FAM53A: variants seen among roughly 807,000 people sequenced by gnomAD.
FAM53A encodes family with sequence similarity 53 member A.
In FAM53A, 28 loss-of-function variants were observed where a neutral mutation model predicts 26.6. The observed-to-expected ratio is 1.05, with a 90% CI of 0.78 to 1.45. The LOEUF (loss-of-function observed/expected upper bound fraction) is 1.45. Among genes scored for constraint, FAM53A ranks in the 40% most tolerant of loss-of-function variants. The probability of loss-of-function intolerance (pLI) is 0.00; values close to 1 mark genes in which losing one functional copy is unlikely to be tolerated. For missense variants in FAM53A, 650 were observed against 575.8 expected (o/e 1.13, Z -1.32); for synonymous variants, 290 against 253.1 (o/e 1.15, Z -1.38).
At chr4:1,586,256 C>T in the FAM53A span, among the ~76,000 whole-genome samples, 3 of 151,666 alleles carry the variant, frequency 2.0e-5, no homozygotes, top group Admixed American at 2.0e-4. Flanking sequence ...TGCAGTGGCG[C>T]GATCTCGGCT....
chr4:1,651,764 G>C (rs1051314534), intron 4 of FAM53A, among the ~76,000 whole-genome samples: 1 of 151,596 alleles, frequency 6.6e-6, no homozygotes, highest in Non-Finnish European at 1.5e-5. Flanking sequence ...GGACACACAG[G>C]CTCAGCAAGG....
At position 1,655,423 on chromosome 4, in the gene FAM53A, G is replaced by T. The variant is rs200847112; in HGVS notation, c.437C>A (p.Thr146Asn). ...PWRPGSSKVW[T>N]PVSKRRCDSG... The stretch of plus-strand genomic sequence containing the variant: ...GTCGCACCGCCTCTTGGAGACTGGA[G>T]TCCAGACCTTGGAGCTGCCGGGGCG... The change falls in exon 4 of 5, where the codon ACT becomes AAT. Residue 146 changes from threonine to asparagine, a missense_variant. Thr to Asn is a moderately conservative substitution (Grantham distance 65, BLOSUM62 0). Transcript: ENST00000308132. 42 of 1,500,730 alleles carry T rather than the reference G, an allele frequency of 2.8e-5. No homozygotes were observed. The highest frequency in any genetic ancestry group is 3.6e-5 in the Non-Finnish European group (40 of 1,125,714). 93.0% of individuals were successfully genotyped at this position (1,500,730 alleles called of 1,614,324 possible). A position where few individuals can be genotyped will look rare whatever the true frequency, so the allele number is the denominator to read the frequency against.
the FAM53A span, among the ~76,000 whole-genome samples, chr4:1,600,211 G>C: frequency 2.0e-5 from 3 of 152,142 alleles, no homozygotes; most frequent in Admixed American, 2.0e-4. Flanking sequence ...GGGGCAGGAG[G>C]GGGTGCCCTA....
chr4:1,682,465 G>A (rs200540973), intron 1 of FAM53A, among the ~76,000 whole-genome samples: 1 of 151,944 alleles, frequency 6.6e-6, no homozygotes, highest in Non-Finnish European at 1.5e-5. Context: ...GTTTCACCAT[G>A]TTGGCCAGGA....
chr4:1,637,983 C>T (rs1030574875), downstream of FAM53A, among the ~76,000 whole-genome samples: 1 of 151,618 alleles, frequency 6.6e-6, no homozygotes, highest in Non-Finnish European at 1.5e-5. Flanking sequence ...TGTGGCTAGT[C>T]GAGGAAAGAC....
At chr4:1,654,233 C>A (rs887689981) in intron 4 of FAM53A, among the ~76,000 whole-genome samples, 55 of 152,348 alleles carry the variant, frequency 3.6e-4, no homozygotes, top group African/African-American at 1.3e-3. Flanking sequence ...ACACAGCCCA[C>A]CCTACTCTGT....
At chr4:1,678,838 G>A (rs1214366110) in intron 1 of FAM53A, among the ~76,000 whole-genome samples, 2 of 151,990 alleles carry the variant, frequency 1.3e-5, no homozygotes, top group Non-Finnish European at 2.9e-5. Context: ...AAGACATGGA[G>A]TGTATGGACC....
rs544715937 is a variant in FAM53A, at chr4:1,650,094, G to A, written c.882+4884C>T. On this transcript the variant is annotated intron_variant, in intron 4 of 4. Coordinates refer to ENST00000308132, the MANE Select transcript of FAM53A (RefSeq NM_001174070.3). ...GCGTGGTGTTTGTGAGGTGGCACAG[G>A]CGTGGCGTTTGACTGTGAGGTGGCA... Among the ~76,000 whole-genome samples the A allele has an allele frequency of 4.6e-4, 64 of 138,542 alleles. 3 individuals are homozygous for A. The highest frequency in any genetic ancestry group is 2.3e-3 in the South Asian group (9 of 3,932). The allele number at this position is 138,542 out of a possible 152,430, so 90.9% of individuals were successfully genotyped here. A position where few individuals can be genotyped will look rare whatever the true frequency, so the allele number is the denominator to read the frequency against.
chr4:1,623,352 C>G (rs975034126), intron 1 of FAM53A, among the ~76,000 whole-genome samples: 1 of 151,774 alleles, frequency 6.6e-6, no homozygotes, highest in African/African-American at 2.4e-5. Context: ...CCACCGCAGC[C>G]CCGGGAGAGG....
chr4:1,610,108 T>A, the FAM53A span, among the ~76,000 whole-genome samples: 10 of 150,276 alleles, frequency 6.7e-5, 1 homozygote, highest in Non-Finnish European at 1.5e-4. Context: ...CCTATGCTTG[T>A]GAGCACCTAT....
rs747929778 is a variant in FAM53A at position 1,655,035 on chromosome 4, C to T, written c.825G>A (p.Arg275=). ...GTGTCCACCTGGCGTCCTCCTCACGCCTCCGTTTGCGCCGGCTCCTCTTCC... is the reference window on the plus strand; with the variant it reads ...GTGTCCACCTGGCGTCCTCCTCACGTCTCCGTTTGCGCCGGCTCCTCTTCC... ...LSGKRSRRKR[R]REEDARWTRP... The change falls in exon 4 of 5, where the codon AGG becomes AGA. Residue 275 remains arginine (R), a synonymous_variant. Coordinates refer to ENST00000308132, the MANE Select transcript of FAM53A (RefSeq NM_001174070.3). The T allele has an allele frequency of 3.8e-6, 6 of 1,579,220 alleles. No homozygotes were observed. In the Admixed American group the frequency reaches 1.1e-4, roughly 29 times the overall value.
At chr4:1,591,999 G>A in the FAM53A span, among the ~76,000 whole-genome samples, 1 of 152,108 alleles carries the variant, frequency 6.6e-6, no homozygotes, top group Non-Finnish European at 1.5e-5. Flanking sequence ...CAAAGCAGTC[G>A]GTCACCCCAG....
chr4:1,678,513 A>G (rs1439416423), intron 1 of FAM53A, among the ~76,000 whole-genome samples: 2 of 152,202 alleles, frequency 1.3e-5, no homozygotes, highest in African/African-American at 4.8e-5. Flanking sequence ...CTGAAAAACT[A>G]GACATCCACA....
At chr4:1,590,341 C>G in the FAM53A span, among the ~76,000 whole-genome samples, 1 of 152,122 alleles carries the variant, frequency 6.6e-6, no homozygotes, top group African/African-American at 2.4e-5. Context: ...TTTTAAGTGT[C>G]CCTCCCTTTT....
chr4:1,676,672 C>T (rs1172985805), intron 1 of FAM53A, among the ~76,000 whole-genome samples: 2 of 152,140 alleles, frequency 1.3e-5, no homozygotes, highest in Non-Finnish European at 2.9e-5. Context: ...GCACACAGCC[C>T]GCAGACACTG....
At chr4:1,606,938 TACC>T in the FAM53A span, among the ~76,000 whole-genome samples, 6 of 152,246 alleles carry the variant, frequency 3.9e-5, no homozygotes, top group African/African-American at 1.4e-4. Flanking sequence ...ACCGCAGCTG[TACC>T]ACCTCACGTT....
chr4:1,652,611 CCA>C (rs372846716), intron 4 of FAM53A, among the ~76,000 whole-genome samples: 15 of 147,520 alleles, frequency 1.0e-4, no homozygotes, highest in African/African-American at 1.8e-4. Flanking sequence ...ACATCACTCA[CCA>C]CACACACACA....
At chr4:1,626,287 C>T (rs529970201) in intron 1 of FAM53A, among the ~76,000 whole-genome samples, 11 of 152,334 alleles carry the variant, frequency 7.2e-5, no homozygotes, top group East Asian at 5.8e-4. Flanking sequence ...CATGAACAGA[C>T]GGTGGCCGTC....
At position 1,641,521 on chromosome 4, in the gene FAM53A, G is replaced by A. The variant is rs537740850; in HGVS notation, c.969C>T (p.Ser323=). ...CAGGGAGGCCCCGGGAGTCACATGGGGAGGACAGAACCGTCTTCACTGGGG... is the reference window on the plus strand; with the variant it reads ...CAGGGAGGCCCCGGGAGTCACATGGAGAGGACAGAACCGTCTTCACTGGGG... ...DDTPVKTVLS[S]PCDSRGLPGI... Residue 323 remains serine (S), a synonymous_variant, in exon 5 of 5, where the codon TCC becomes TCT. Transcript: ENST00000308132. The A allele has an allele frequency of 3.3e-5, 54 of 1,614,206 alleles. No homozygotes were observed. In the South Asian group the frequency reaches 5.4e-4, roughly 16 times the overall value.
Sources: allele counts gnomAD v4.1 joint callset (sites outside exome capture counted in the v4.1 genomes callset), GRCh38; gene constraint gnomAD v4.1.1; transcripts MANE v1.5; gene names NCBI Gene and HGNC (gene_info 2026-07-23, HGNC 2026-07-21).